The following SNED1 variants were observed in gnomAD, a reference collection of about 807,000 sequenced individuals.
The protein encoded by SNED1 is sushi, nidogen and EGF like domains 1, also known as sushi, nidogen and EGF-like domain-containing protein 1.
SNED1 carries 81 observed loss-of-function variants against 166.7 expected under a neutral mutation model. The ratio of observed to expected loss-of-function variants is 0.49; its 90% confidence interval spans 0.41 to 0.58. The LOEUF (loss-of-function observed/expected upper bound fraction) is 0.58, where lower values mean the gene tolerates loss of function less well. Ranked by LOEUF, SNED1 falls within the 20% of genes least tolerant of loss-of-function variation. The pLI, the probability that SNED1 is intolerant of heterozygous loss-of-function variation, is 0.00. For synonymous variants in SNED1, 762 were observed against 822.0 expected (o/e 0.93, Z 1.25); for missense variants, 1,604 against 2,000.2 (o/e 0.80, Z 3.78).
chr2:241,047,135 C>T (rs949569419), intron 8 of SNED1, among the ~76,000 whole-genome samples: 4 of 116,810 alleles, frequency 3.4e-5, no homozygotes, highest in Admixed American at 1.1e-4. Flanking sequence ...GGCAAGAGAG[C>T]GAGACTCTGT....
chr2:241,067,112 A>G (rs1008684306), intron 21 of SNED1, among the ~76,000 whole-genome samples: 6 of 152,178 alleles, frequency 3.9e-5, no homozygotes, highest in African/African-American at 1.4e-4. Context: ...TGGAGTGAAG[A>G]CAGAGCCCGC....
chr2:241,070,749 C>T (rs1360313560), intron 24 of SNED1, among the ~76,000 whole-genome samples: 1 of 152,204 alleles, frequency 6.6e-6, no homozygotes, highest in African/African-American at 2.4e-5. Context: ...ACCAGGGTCC[C>T]GAACGCCCCA....
chr2:241,089,213 G>A (rs945846762), intron 31 of SNED1: 3 of 1,320,564 alleles, frequency 2.3e-6, no homozygotes, highest in Admixed American at 5.4e-5. Flanking sequence ...ACATGTCACT[G>A]CATGAAAGAT....
chr2:241,020,394 C>A (rs1230239280), intron 1 of SNED1, among the ~76,000 whole-genome samples: 1 of 152,216 alleles, frequency 6.6e-6, no homozygotes, highest in Non-Finnish European at 1.5e-5. Context: ...CCAGCTTAGC[C>A]GGACCATCCT....
chr2:241,051,747 G>C lies in SNED1; in HGVS notation c.1739G>C (p.Arg580Pro). ...GFHGKHCEKA[R>P]PHLCSSGPCR... is the part of the protein sequence containing the mutation. Reference sequence around the variant, plus strand: ...GCCTCTCTGTCCTTCCACACAGCCCGGCCACACCTGTGCAGCTCAGGGCCC... The same window carrying C: ...GCCTCTCTGTCCTTCCACACAGCCCCGCCACACCTGTGCAGCTCAGGGCCC... The change falls in exon 13 of 32, where the codon CGG becomes CCG. Residue 580 changes from arginine to proline, a missense_variant. Coordinates refer to ENST00000310397, the MANE Select transcript of SNED1 (RefSeq NM_001080437.3). This position sits in a 1 kb window ranked among gnomAD's most constrained non-coding sequence, Gnocchi z 4.7. 1 of 1,503,224 alleles carries C rather than the reference G, an allele frequency of 6.7e-7. No homozygotes were observed. The highest frequency in any genetic ancestry group is 8.9e-7 in the Non-Finnish European group (1 of 1,124,152). 93.1% of individuals were successfully genotyped at this position (1,503,224 alleles called of 1,614,324 possible). A position where few individuals can be genotyped will look rare whatever the true frequency, so the allele number is the denominator to read the frequency against.
intron 12 of SNED1, 22 bp downstream of exon 12, chr2:241,049,955 G>A: frequency 6.3e-7 from 1 of 1,586,438 alleles, no homozygotes; most frequent in East Asian, 2.2e-5. Flanking sequence ...AGGGGCGTCC[G>A]GGCCGGCGTC....
At position 241,071,070 on chromosome 2, in the gene SNED1, T is replaced by C. The variant is rs530253291; in HGVS notation, c.3590-506T>C. ...GGACCTCTGTGAGCCGGCGTCAGAG[T>C]GAGAGGGAGAGGGAAGGGGAAGGAG... is the stretch of plus-strand genomic sequence containing the variant. On this transcript the variant is annotated intron_variant, in intron 24 of 31. Transcript: ENST00000310397. 2.7e-4 allele frequency among the ~76,000 whole-genome samples: 41 copies of C among 150,654 alleles called. 1 individual carries two copies. Among genetic ancestry groups the C allele is most frequent in the South Asian group, 8.5e-4 (4 of 4,706 alleles).
rs372888758 is a variant in SNED1 at position 241,082,261 on chromosome 2, C to G, written c.4034-16C>G. 6.3e-7 allele frequency: 1 copy of G among 1,591,568 alleles called. No individual in the cohort carries two copies. The highest frequency in any genetic ancestry group is 8.6e-7 in the Non-Finnish European group (1 of 1,161,350). On this transcript the variant is annotated splice_polypyrimidine_tract_variant and intron_variant, in intron 28 of 31. Transcript: ENST00000310397. ...GTCAGGAGCACCTGGTGAGCCACTG[C>G]CCTTCTTTGTCGCAGCCTGTATAAA... is the stretch of plus-strand genomic sequence containing the variant.
At chr2:241,004,622 C>T (rs1168878619) in intron 1 of SNED1, among the ~76,000 whole-genome samples, 1 of 152,176 alleles carries the variant, frequency 6.6e-6, no homozygotes, top group African/African-American at 2.4e-5. Context: ...ATATAATAAT[C>T]TTATAACAGC....
intron 29 of SNED1, among the ~76,000 whole-genome samples, chr2:241,082,633 C>T (rs1192125566): frequency 6.6e-6 from 1 of 152,226 alleles, no homozygotes; most frequent in Non-Finnish European, 1.5e-5. Context: ...GCCTTCCTTC[C>T]CACACATCAG....
chr2:241,029,725 C>T (rs557577373), intron 1 of SNED1, among the ~76,000 whole-genome samples: 1 of 152,372 alleles, frequency 6.6e-6, no homozygotes, highest in East Asian at 1.9e-4. Context: ...TGGGGCTCCC[C>T]GCTGCCTGGA....
chr2:241,032,193 T>C (rs1337678012), intron 2 of SNED1, among the ~76,000 whole-genome samples: 2 of 152,008 alleles, frequency 1.3e-5, no homozygotes, highest in Non-Finnish European at 2.9e-5. Context: ...CTACTAAAAA[T>C]ACCGAAGTCA....
At chr2:241,061,824 G>T (rs1012219759) in intron 16 of SNED1, among the ~76,000 whole-genome samples, 1 of 149,392 alleles carries the variant, frequency 6.7e-6, no homozygotes, top group Non-Finnish European at 1.5e-5. Flanking sequence ...CTGCACTCCA[G>T]CCTGGGCAAC....
chr2:241,055,965 A>G (rs1178717973), intron 16 of SNED1, among the ~76,000 whole-genome samples: 5 of 152,244 alleles, frequency 3.3e-5, no homozygotes, highest in African/African-American at 7.2e-5. Context: ...GCTACCTAGT[A>G]GAGAATACAG....
At chr2:241,006,005 A>G (rs1175169711) in intron 1 of SNED1, among the ~76,000 whole-genome samples, 1 of 152,080 alleles carries the variant, frequency 6.6e-6, no homozygotes, top group East Asian at 1.9e-4. Flanking sequence ...CTCTCTTTTG[A>G]AGACTCAAAT....
chr2:241,003,245 C>A (rs540123719), intron 1 of SNED1, among the ~76,000 whole-genome samples: 10 of 152,124 alleles, frequency 6.6e-5, no homozygotes, highest in African/African-American at 2.4e-4. Context: ...GGATGTGCAC[C>A]CCATGAAGGC....
At chr2:241,037,396 A>C (rs997173251) in intron 6 of SNED1, 43 bp downstream of exon 6, 1 of 1,331,762 alleles carries the variant, frequency 7.5e-7, no homozygotes, top group Non-Finnish European at 1.1e-6. Flanking sequence ...TGCTGGGGGC[A>C]GGATAGCGGG....
intron 6 of SNED1, among the ~76,000 whole-genome samples, chr2:241,039,029 C>T (rs1490509575): frequency 2.0e-5 from 3 of 152,212 alleles, no homozygotes; most frequent in Non-Finnish European, 2.9e-5. Context: ...GTCAGTTGTA[C>T]GTGTGGCCTC....
chr2:241,040,755 G>C (rs1198963309), intron 8 of SNED1: 1 of 474,368 alleles, frequency 2.1e-6, no homozygotes, highest in East Asian at 6.5e-5. Context: ...CAGCCTGGGT[G>C]ACTCTTGACT....
Sources: allele counts gnomAD v4.1 joint callset (sites outside exome capture counted in the v4.1 genomes callset), GRCh38; gene constraint gnomAD v4.1.1; non-coding constraint Gnocchi (gnomAD v3.1); transcripts MANE v1.5; gene names NCBI Gene and HGNC (gene_info 2026-07-23, HGNC 2026-07-21).